Variants in TCTN3 observed in about 807,000 individuals in gnomAD.
TCTN3 encodes the protein tectonic-3.
TCTN3 carries 57 observed loss-of-function variants against 71.3 expected under a neutral mutation model. That is an observed-to-expected ratio of 0.80 (90% CI 0.65 to 1.00). The LOEUF (loss-of-function observed/expected upper bound fraction) is 1.00. Among genes scored for constraint, TCTN3 ranks in the 50% least tolerant of loss-of-function variants. The pLI is 0.00. For synonymous variants in TCTN3, 258 were observed against 267.8 expected, an observed-to-expected ratio of 0.96 and a Z score of 0.36; for missense variants, 696 against 719.9, an observed-to-expected ratio of 0.97 and a Z score of 0.38.
At chr10:95,692,006 T>C (rs185843359) in intron 3 of TCTN3, among the ~76,000 whole-genome samples, 8 of 152,364 alleles carry the variant, frequency 5.3e-5, no homozygotes, top group African/African-American at 1.9e-4. Flanking sequence ...AAGGTTGGCA[T>C]AGACTCATTT....
rs1174698466 is a variant in TCTN3 at position 95,686,532 on chromosome 10, T to C, written c.853-2A>G. 4 of 1,613,960 alleles carry C rather than the reference T, an allele frequency of 2.5e-6. No individual in the cohort carries two copies. The highest frequency in any genetic ancestry group is 3.4e-6 in the Non-Finnish European group (4 of 1,179,980). On this transcript the variant is annotated splice_acceptor_variant, in intron 6 of 13. Transcript: ENST00000371217. LOFTEE classifies it high-confidence loss of function. ...TGGATCAGTCATGCTTCTTGGAACC[T>C]AGGAGAACAGCAGGGACATGAATGT...
chr10:95,693,163 G>A (rs989760957), intron 2 of TCTN3, 125 bp from the exon 3 acceptor site: 15 of 1,191,862 alleles, frequency 1.3e-5, no homozygotes, highest in Non-Finnish European at 1.6e-5. Context: ...AGGACGACAC[G>A]AAGGTCTTAT....
chr10:95,668,271 A>AAG (rs1469604180), intron 13 of TCTN3, among the ~76,000 whole-genome samples: 3 of 147,388 alleles, frequency 2.0e-5, no homozygotes, highest in East Asian at 2.0e-4. Context: ...AAAAAAAAAA[A>AAG]AGAGATATCA....
rs973353630 is a variant in TCTN3, at chr10:95,693,873, C to T, written c.27G>A (p.Leu9=). 6.4e-7 allele frequency: 1 copy of T among 1,551,576 alleles called. No individual in the cohort carries two copies. Among genetic ancestry groups the T allele is most frequent in the Non-Finnish European group, 8.7e-7 (1 of 1,147,010 alleles). The change falls in exon 1 of 14, where the codon CTG becomes CTA. Residue 9 remains leucine, a synonymous_variant. Coordinates refer to ENST00000371217, the MANE Select transcript of TCTN3 (RefSeq NM_015631.6). The part of the protein sequence containing the change: MRTPQLAL[L]QVFFLVFPDG... ...CGGGGAACACCAGAAAGAACACTTG[C>T]AGGAGCGCGAGCTGTGGGGTGCGCA...
rs79065373 is a variant in TCTN3, at chr10:95,689,429, T to C, written c.500-1710A>G. ...CAAACCCTAACGCTTCCAAGAGCTA[T>C]TTAAACATTTCCTTCGGAACTCATA... On this transcript the variant is annotated intron_variant, in intron 3 of 13. Coordinates refer to ENST00000371217, the MANE Select transcript of TCTN3 (RefSeq NM_015631.6). 2.3e-4 allele frequency among the ~76,000 whole-genome samples: 35 copies of C among 152,324 alleles called. No homozygotes were observed. The East Asian group carries it at 6.4e-3, about 28-fold the overall frequency.
intron 13 of TCTN3, among the ~76,000 whole-genome samples, chr10:95,674,179 G>A (rs2097934380): frequency 6.6e-6 from 1 of 152,096 alleles, no homozygotes; most frequent in Non-Finnish European, 1.5e-5. Context: ...TTAATGTTAA[G>A]TCCTCTTCAT....
At chr10:95,665,050 G>T (rs1436919929) in intron 13 of TCTN3, among the ~76,000 whole-genome samples, 2 of 152,196 alleles carry the variant, frequency 1.3e-5, no homozygotes, top group Non-Finnish European at 2.9e-5. Context: ...TTTGGCAACA[G>T]TAAGTACCAA....
chr10:95,688,388 C>CAAAAAAA (rs1491223727), intron 3 of TCTN3, among the ~76,000 whole-genome samples: 1 of 43,792 alleles, frequency 2.3e-5, no homozygotes, highest in Non-Finnish European at 4.0e-5. Context: ...GAAACTCTGT[C>CAAAAAAA]AAAAAAAAGA....
chr10:95,677,750 TG>T (rs983432273), intron 13 of TCTN3, among the ~76,000 whole-genome samples: 8 of 152,082 alleles, frequency 5.3e-5, no homozygotes, highest in Non-Finnish European at 7.4e-5. Flanking sequence ...AAGGGCGGGT[TG>T]GCTTAGGTTG....
At chr10:95,674,752 T>C (rs779641253) in intron 13 of TCTN3, among the ~76,000 whole-genome samples, 4 of 152,182 alleles carry the variant, frequency 2.6e-5, no homozygotes, top group Admixed American at 2.0e-4. Context: ...ATTTCTATTA[T>C]GAATGTTAGA....
At position 95,692,956 on chromosome 10, in the gene TCTN3, T is replaced by C. The variant is rs1282315791; in HGVS notation, c.463A>G (p.Asn155Asp). The change falls in exon 3 of 14, where the codon AAT (asparagine) becomes GAT (aspartate). Residue 155 changes from asparagine to aspartate, a missense_variant. Asn to Asp is a conservative substitution (Grantham distance 23, BLOSUM62 1). Transcript: ENST00000371217. ...PFPSRVFMDS[N>D]GIRQFCVHVN... is the part of the protein sequence containing the mutation. ...TGGACACAAAACTGCCTGATTCCAT[T>C]AGAATCCATGAAAACTCTTGAAGGA... 7 of 1,613,990 alleles carry C rather than the reference T, an allele frequency of 4.3e-6. No individual in the cohort carries two copies. Among genetic ancestry groups the C allele is most frequent in the African/African-American group, 4.0e-5 (3 of 74,922 alleles).
At chr10:95,682,630 A>G (rs1186710603) in intron 12 of TCTN3, 21 bp downstream of exon 12, 5 of 1,601,262 alleles carry the variant, frequency 3.1e-6, no homozygotes, top group Non-Finnish European at 3.4e-6. Context: ...TCTTCATCAG[A>G]AAGTATATTT....
In TCTN3 at chr10:95,687,309, C is replaced by A; in HGVS notation, c.674G>T (p.Ser225Ile). The change falls in exon 5 of 14, where the codon AGC becomes ATC. Residue 225 changes from serine (S) to isoleucine (I), a missense_variant. By Grantham distance (142) the Ser-to-Ile change is moderately radical (BLOSUM62 -2). Coordinates refer to ENST00000371217, the MANE Select transcript of TCTN3 (RefSeq NM_015631.6). ...AACTCCTGCAGGTTGTCTCAGCAAG[C>A]TTATTACAGACCACTTGGGGAAGTA... is the stretch of plus-strand genomic sequence containing the variant. Reference protein sequence around the residue: ...LTYFPKWSVISLLRQPAGVGA... With the variant: ...LTYFPKWSVIILLRQPAGVGA... 6.2e-7 allele frequency: 1 copy of A among 1,614,182 alleles called. No homozygotes were observed. The highest frequency in any genetic ancestry group is 1.1e-5 in the South Asian group (1 of 91,076).
Position 95,663,973 on chromosome 10 carries a change from T to C in TCTN3, c.*94A>G. Reference sequence around the variant, plus strand: ...GTCCTCTATTATCCTAAATGCTCTCTGGTCATGAGCAGGTGAGGTTCTATT... The same window carrying C: ...GTCCTCTATTATCCTAAATGCTCTCCGGTCATGAGCAGGTGAGGTTCTATT... On this transcript the variant is annotated 3_prime_UTR_variant, in exon 14 of 14. Coordinates refer to ENST00000371217, the MANE Select transcript of TCTN3 (RefSeq NM_015631.6). The C allele has an allele frequency of 2.1e-6, 2 of 959,660 alleles. No homozygotes were observed. The highest frequency in any genetic ancestry group is 3.3e-6 in the Non-Finnish European group (2 of 608,102). 59.4% of individuals were successfully genotyped at this position (959,660 alleles called of 1,614,324 possible).
At chr10:95,668,002 A>G (rs2097927246) in intron 13 of TCTN3, among the ~76,000 whole-genome samples, 1 of 152,224 alleles carries the variant, frequency 6.6e-6, no homozygotes, top group Admixed American at 6.5e-5. Flanking sequence ...AAACACAGAC[A>G]ATGAAAGATG....
chr10:95,671,382 G>T (rs1207546892), intron 13 of TCTN3, among the ~76,000 whole-genome samples: 2 of 152,082 alleles, frequency 1.3e-5, no homozygotes, highest in Non-Finnish European at 2.9e-5. Context: ...TCAATTTACA[G>T]TACAATAAAA....
At chr10:95,683,362 C>A in intron 10 of TCTN3, 160 bp downstream of exon 10, 5 of 1,508,698 alleles carry the variant, frequency 3.3e-6, no homozygotes, top group Non-Finnish European at 3.5e-6. Flanking sequence ...CACAGAGAGA[C>A]AACTAGATTC....
In TCTN3 at chr10:95,664,187, G is replaced by T; in HGVS notation, c.1704C>A (p.Phe568Leu). Residue 568 changes from phenylalanine to leucine, a missense_variant, in exon 14 of 14, where the codon TTC becomes TTA. Transcript: ENST00000371217. ...GQPKMDWKWPFDFFPFKVAFS... is the reference protein window; with the variant it reads ...GQPKMDWKWPLDFFPFKVAFS... The stretch of plus-strand genomic sequence containing the variant: ...ATGCCACTTTGAAGGGAAAGAAGTC[G>T]AATGGCCATTTCCAGTCCATTTTGG... The T allele has an allele frequency of 6.2e-7, 1 of 1,614,178 alleles. No individual in the cohort carries two copies. Among genetic ancestry groups the T allele is most frequent in the Non-Finnish European group, 8.5e-7 (1 of 1,180,028 alleles).
At chr10:95,682,591 T>C (rs1159366093) in intron 12 of TCTN3, 60 bp downstream of exon 12, 13 of 1,557,602 alleles carry the variant, frequency 8.3e-6, no homozygotes, top group Non-Finnish European at 1.0e-5. Context: ...AAACTTACTA[T>C]CCAAGATTTA....
Sources: allele counts gnomAD v4.1 joint callset (sites outside exome capture counted in the v4.1 genomes callset), GRCh38; gene constraint gnomAD v4.1.1; transcripts MANE v1.5; gene names NCBI Gene and HGNC (gene_info 2026-07-23, HGNC 2026-07-21).